The following EFNA5 variants were observed in gnomAD, a reference collection of about 807,000 sequenced individuals.
EFNA5 encodes ephrin A5, also known as ephrin-A5.
EFNA5 carries 5 observed loss-of-function variants against 22.9 expected under a neutral mutation model. That is an observed-to-expected ratio of 0.22 (90% CI 0.11 to 0.46). The LOEUF is 0.46. Ranked by LOEUF, EFNA5 falls within the 20% of genes least tolerant of loss-of-function variation. The pLI, the probability that EFNA5 is intolerant of heterozygous loss-of-function variation, is 0.99. For synonymous variants in EFNA5, 113 were observed against 112.2 expected (o/e 1.01, Z -0.04); for missense variants, 237 against 293.3 (o/e 0.81, Z 1.40).
At chr5:107,632,529 T>C (rs1343919497) in intron 1 of EFNA5, among the ~76,000 whole-genome samples, 2 of 152,176 alleles carry the variant, frequency 1.3e-5, no homozygotes, top group Non-Finnish European at 2.9e-5. Flanking sequence ...ATCTACCTTC[T>C]CATCTATTCT....
chr5:107,561,154 T>C (rs1161628214), intron 1 of EFNA5, among the ~76,000 whole-genome samples: 1 of 152,176 alleles, frequency 6.6e-6, no homozygotes, highest in African/African-American at 2.4e-5. Flanking sequence ...ACAATTTCAG[T>C]GCACAAGACA....
intron 1 of EFNA5, among the ~76,000 whole-genome samples, chr5:107,577,893 G>A (rs1748959555): frequency 6.6e-6 from 1 of 152,098 alleles, no homozygotes; most frequent in Non-Finnish European, 1.5e-5. Flanking sequence ...GGAGCGCGGG[G>A]GTTCAGACAT....
intron 1 of EFNA5, among the ~76,000 whole-genome samples, chr5:107,643,221 A>T (rs1204716202): frequency 6.6e-6 from 1 of 152,138 alleles, no homozygotes; most frequent in Non-Finnish European, 1.5e-5. Context: ...TAGTGCCCCC[A>T]TTGTGCAGGG....
At chr5:107,550,181 A>G (rs982925634) in intron 1 of EFNA5, among the ~76,000 whole-genome samples, 5 of 152,352 alleles carry the variant, frequency 3.3e-5, no homozygotes, top group Non-Finnish European at 7.3e-5. Flanking sequence ...TCTGATGGGT[A>G]CACAAAACTG....
At chr5:107,493,518 A>G (rs17534089) in intron 1 of EFNA5, among the ~76,000 whole-genome samples, 13,423 of 152,292 alleles carry the variant, frequency 0.088, 787 homozygotes, top group Middle Eastern at 0.15. Context: ...TCCAATGCCT[A>G]AATTCCTTTA....
Position 107,381,320 on chromosome 5 carries a change from G to A in EFNA5, c.622C>T (p.Pro208Ser). ...PSRGENAAQT[P>S]RIPSRLLAIL... Reference sequence around the variant, plus strand: ...GCCAAAAGGCGGCTGGGTATCCTTGGTGTTTGTGCCGCGTTCTCGCCGCGG... The same window carrying A: ...GCCAAAAGGCGGCTGGGTATCCTTGATGTTTGTGCCGCGTTCTCGCCGCGG... The change falls in exon 5 of 5, where the codon CCA (proline) becomes TCA (serine). Residue 208 changes from proline (P) to serine (S), a missense_variant. Around this residue, in one of 3 missense-constraint regions of EFNA5, gnomAD observed 104 missense variants for 114.5 expected, o/e 0.91. Coordinates refer to ENST00000333274, the MANE Select transcript of EFNA5 (RefSeq NM_001962.3). 1 of 1,614,088 alleles carries A rather than the reference G, an allele frequency of 6.2e-7. No homozygotes were observed. Among genetic ancestry groups the A allele is most frequent in the African/African-American group, 1.3e-5 (1 of 75,040 alleles).
intron 1 of EFNA5, among the ~76,000 whole-genome samples, chr5:107,551,059 A>T (rs1423934882): frequency 6.6e-6 from 1 of 152,228 alleles, no homozygotes; most frequent in African/African-American, 2.4e-5. Context: ...ATGCCAGGTG[A>T]TGACCTAAGA....
intron 1 of EFNA5, among the ~76,000 whole-genome samples, chr5:107,662,199 C>A (rs1750977378): frequency 6.6e-6 from 1 of 152,124 alleles, no homozygotes; most frequent in Admixed American, 6.6e-5. Flanking sequence ...ATGGTCAACT[C>A]GTACCTGAAC....
At chr5:107,439,094 C>G (rs1749188715) in intron 1 of EFNA5, among the ~76,000 whole-genome samples, 2 of 152,062 alleles carry the variant, frequency 1.3e-5, no homozygotes, top group African/African-American at 4.8e-5. Context: ...TGTTTAAGCC[C>G]CAACCCACAA....
intron 1 of EFNA5, among the ~76,000 whole-genome samples, chr5:107,623,071 CAA>C (rs1750072990): frequency 8.2e-6 from 1 of 122,644 alleles, no homozygotes; most frequent in Admixed American, 8.7e-5. Flanking sequence ...TGAATACTCA[CAA>C]GTATTCAAGC....
chr5:107,666,216 G>C (rs561875030), intron 1 of EFNA5, among the ~76,000 whole-genome samples: 1 of 151,816 alleles, frequency 6.6e-6, no homozygotes, highest in African/African-American at 2.4e-5. Context: ...TCACAGTGCC[G>C]GCATACTGGT....
intron 1 of EFNA5, among the ~76,000 whole-genome samples, chr5:107,505,824 T>C: frequency 6.6e-6 from 1 of 151,948 alleles, no homozygotes. Context: ...CTCTCTCTCT[T>C]TTTCTCTCCC....
At chr5:107,514,557 T>C (rs1236430574) in intron 1 of EFNA5, among the ~76,000 whole-genome samples, 3 of 152,224 alleles carry the variant, frequency 2.0e-5, no homozygotes, top group African/African-American at 7.2e-5. Context: ...CCAAGGAAGC[T>C]GACATACAAG....
intron 1 of EFNA5, among the ~76,000 whole-genome samples, chr5:107,582,589 A>G (rs1294548220): frequency 6.6e-6 from 1 of 152,162 alleles, no homozygotes; most frequent in African/African-American, 2.4e-5. Context: ...CCAGAATGGA[A>G]TATTTTGGAA....
At chr5:107,525,662 T>G (rs1747680738) in intron 1 of EFNA5, among the ~76,000 whole-genome samples, 1 of 152,076 alleles carries the variant, frequency 6.6e-6, no homozygotes, top group Non-Finnish European at 1.5e-5. Context: ...TGGAAGTGGA[T>G]TATCATAAGT....
At chr5:107,405,468 A>C (rs1327091425) in intron 2 of EFNA5, among the ~76,000 whole-genome samples, 5 of 152,236 alleles carry the variant, frequency 3.3e-5, no homozygotes, top group Non-Finnish European at 7.3e-5. Flanking sequence ...AATAAGGTAC[A>C]CCAAAGGTGA....
chr5:107,585,489 A>G (rs986950473), intron 1 of EFNA5, among the ~76,000 whole-genome samples: 1 of 152,230 alleles, frequency 6.6e-6, no homozygotes, highest in African/African-American at 2.4e-5. Flanking sequence ...CAGTACTGAT[A>G]AATTCTAAAC....
At chr5:107,604,498 C>G (rs921289267) in intron 1 of EFNA5, among the ~76,000 whole-genome samples, 2 of 152,174 alleles carry the variant, frequency 1.3e-5, no homozygotes, top group African/African-American at 4.8e-5. Flanking sequence ...AAGGAAATAA[C>G]TTAATTCAGC....
At chr5:107,576,983 C>G (rs542504926) in intron 1 of EFNA5, among the ~76,000 whole-genome samples, 36 of 152,212 alleles carry the variant, frequency 2.4e-4, no homozygotes, top group African/African-American at 8.4e-4. Context: ...TTCAACTTGC[C>G]CACCTATCTC....
Sources: gnomAD v4.1 joint callset for allele counts (sites outside exome capture counted in the v4.1 genomes callset) on GRCh38, gnomAD v4.1.1 for gene constraint, gnomAD v4.1.1 regional missense constraint, MANE v1.5 for transcripts, NCBI Gene and HGNC (gene_info 2026-07-23, HGNC 2026-07-21) for gene names.